The following STARD13 variants were observed in gnomAD, a reference collection of about 807,000 sequenced individuals.
STARD13 encodes the protein stAR-related lipid transfer protein 13.
A neutral mutation model predicts 106.4 loss-of-function variants in STARD13; 62 were observed. That is an observed-to-expected ratio of 0.58 (90% CI 0.48 to 0.72). The LOEUF (loss-of-function observed/expected upper bound fraction) is 0.72, where lower values mean the gene tolerates loss of function less well. STARD13 is among the 30% of genes least tolerant of loss of function. STARD13 has a pLI of 0.00. For synonymous variants in STARD13, 565 were observed against 553.0 expected (o/e 1.02, Z -0.31); for missense variants, 1,387 against 1,424.0 (o/e 0.97, Z 0.42).
intron 1 of STARD13, among the ~76,000 whole-genome samples, chr13:33,208,337 G>A (rs1311188248): frequency 6.6e-6 from 1 of 152,252 alleles, no homozygotes; most frequent in East Asian, 1.9e-4. Context: ...CCAGGAGAGA[G>A]AAGGACACTT....
chr13:33,404,235 AG>A, the STARD13 span, among the ~76,000 whole-genome samples: 6 of 152,252 alleles, frequency 3.9e-5, no homozygotes, highest in Non-Finnish European at 7.3e-5. Flanking sequence ...GCAGATTCAA[AG>A]AGGTCAAAAC....
the STARD13 span, among the ~76,000 whole-genome samples, chr13:33,663,491 G>A: frequency 6.6e-6 from 1 of 152,112 alleles, no homozygotes; most frequent in Non-Finnish European, 1.5e-5. Flanking sequence ...CAATGTTTAT[G>A]ATGAATTTTA....
intron 4 of STARD13, among the ~76,000 whole-genome samples, chr13:33,140,215 G>T (rs1306106383): frequency 6.6e-6 from 1 of 152,238 alleles, no homozygotes; most frequent in Non-Finnish European, 1.5e-5. Context: ...ACTCCACTGT[G>T]TGGAAACAAC....
the STARD13 span, among the ~76,000 whole-genome samples, chr13:33,497,921 G>A: frequency 6.9e-4 from 105 of 152,210 alleles, 1 homozygote; most frequent in African/African-American, 2.2e-3. Context: ...AGTATCAAGG[G>A]AATTGATAAA....
At position 33,103,292 on chromosome 13, in the gene STARD13, G is replaced by T. The variant is rs1873305177; in HGVS notation, c.*2301C>A. 1 of 152,460 alleles carries T rather than the reference G, an allele frequency of 6.6e-6. No individual in the cohort carries two copies. Among genetic ancestry groups the T allele is most frequent in the Admixed American group, 6.6e-5 (1 of 15,256 alleles). The allele number at this position is 152,460 out of a possible 1,614,324, so 9.4% of individuals were successfully genotyped here. On this transcript the variant is annotated 3_prime_UTR_variant, in exon 14 of 14. Coordinates refer to ENST00000336934, the MANE Select transcript of STARD13 (RefSeq NM_178006.4). ...GCAATATCATACTTTATTTCCATTG[G>T]CAAGATAACAATGAATAAAATACTG...
At chr13:33,439,730 A>G in the STARD13 span, 4 of 1,243,726 alleles carry the variant, frequency 3.2e-6, no homozygotes, top group South Asian at 3.8e-5. Flanking sequence ...AGCACCTGTA[A>G]AAAAACAGTA....
At chr13:33,662,275 A>AT in the STARD13 span, among the ~76,000 whole-genome samples, 1 of 151,964 alleles carries the variant, frequency 6.6e-6, no homozygotes, top group East Asian at 1.9e-4. Context: ...AAAAAAAAAA[A>AT]AGTTATTTAT....
chr13:33,390,801 A>G, the STARD13 span, among the ~76,000 whole-genome samples: 2 of 152,216 alleles, frequency 1.3e-5, no homozygotes, highest in Admixed American at 1.3e-4. Flanking sequence ...AGTTCTTTAC[A>G]TTTTGCACAC....
chr13:33,465,115 A>G, the STARD13 span, among the ~76,000 whole-genome samples: 1 of 150,018 alleles, frequency 6.7e-6, no homozygotes, highest in Non-Finnish European at 1.5e-5. Flanking sequence ...TATTTTTACT[A>G]TCTTCATTGC....
In STARD13 at chr13:33,315,125, T is replaced by G. The variant is rs377254900; in HGVS notation, c.124+35165A>C. Among the ~76,000 whole-genome samples the G allele has an allele frequency of 1.3e-4, 20 of 152,306 alleles. No individual in the cohort carries two copies. In the East Asian group the frequency reaches 1.5e-3, roughly 12 times the overall value. On this transcript the variant is annotated intron_variant, in intron 1 of 5. Coordinates refer to the STARD13 transcript ENST00000567873. The stretch of plus-strand genomic sequence containing the variant: ...ACTTTGTCAAGGAACAGACAGATGC[T>G]CATCTTCAGTAATGTAAACTAAAAT...
intron 1 of STARD13, chr13:33,350,247 C>T: frequency 1.3e-6 from 2 of 1,503,332 alleles, no homozygotes; most frequent in Non-Finnish European, 8.8e-7. Context: ...GGGGCCGGCG[C>T]CTCCCCCGCC....
At chr13:33,124,504 T>C (rs1400448339) in intron 7 of STARD13, among the ~76,000 whole-genome samples, 2 of 152,174 alleles carry the variant, frequency 1.3e-5, no homozygotes, top group African/African-American at 2.4e-5. Context: ...ATTTAAAAAA[T>C]TGACCTGAGA....
upstream of STARD13, among the ~76,000 whole-genome samples, chr13:33,353,489 G>C (rs943165399): frequency 2.6e-5 from 4 of 152,110 alleles, no homozygotes; most frequent in African/African-American, 9.7e-5. Flanking sequence ...GGCCTCACAT[G>C]GTCCTTCTTA....
chr13:33,404,035 C>G, the STARD13 span, among the ~76,000 whole-genome samples: 1 of 152,268 alleles, frequency 6.6e-6, no homozygotes, highest in East Asian at 1.9e-4. Context: ...AACCTTTCAT[C>G]GTTAGTTTAA....
chr13:33,206,366 AACACACACACACAC>A (rs59306930), intron 1 of STARD13, among the ~76,000 whole-genome samples: 25 of 149,572 alleles, frequency 1.7e-4, no homozygotes, highest in African/African-American at 4.9e-4. Flanking sequence ...CCATGACTGA[AACACACACACACAC>A]ACACACACAC....
the STARD13 span, among the ~76,000 whole-genome samples, chr13:33,591,708 G>C: frequency 7.9e-5 from 12 of 152,126 alleles, no homozygotes; most frequent in Admixed American, 3.3e-4. Context: ...GTGCATTTGG[G>C]GAGTTCCCTG....
the STARD13 span, among the ~76,000 whole-genome samples, chr13:33,450,668 T>G: frequency 2.0e-5 from 3 of 152,120 alleles, no homozygotes; most frequent in Non-Finnish European, 4.4e-5. Flanking sequence ...ATACAAGACA[T>G]AATGGTTGCA....
At chr13:33,592,693 A>G in the STARD13 span, among the ~76,000 whole-genome samples, 1 of 152,262 alleles carries the variant, frequency 6.6e-6, no homozygotes, top group Non-Finnish European at 1.5e-5. Context: ...GGGCTTATTA[A>G]GAACTAACTC....
intron 1 of STARD13, among the ~76,000 whole-genome samples, chr13:33,176,077 T>C (rs920250358): frequency 5.3e-5 from 8 of 152,224 alleles, no homozygotes; most frequent in African/African-American, 1.9e-4. Flanking sequence ...CATGGCAAGA[T>C]AGATACAGCT....
Sources: allele counts gnomAD v4.1 joint callset (sites outside exome capture counted in the v4.1 genomes callset), GRCh38; gene constraint gnomAD v4.1.1; transcripts MANE v1.5; gene names NCBI Gene and HGNC (gene_info 2026-07-23, HGNC 2026-07-21).